Variants in ATG13 observed in about 807,000 individuals in gnomAD.
The protein encoded by ATG13 is autophagy-related protein 13.
Under a neutral mutation model 65.5 loss-of-function variants are expected in ATG13, and 23 were observed. The ratio of observed to expected loss-of-function variants is 0.35; its 90% CI spans 0.25 to 0.50. ATG13 has a LOEUF of 0.50. Among genes scored for constraint, ATG13 ranks in the 20% least tolerant of loss-of-function variants. The pLI, the probability that ATG13 is intolerant of heterozygous loss-of-function variation, is 0.98. For missense variants in ATG13, 566 were observed against 677.0 expected, an observed-to-expected ratio of 0.84 and a Z score of 1.82; for synonymous variants, 252 against 245.2, an observed-to-expected ratio of 1.03 and a Z score of -0.26.
chr11:46,624,586 A>G (rs903797654), intron 1 of ATG13, among the ~76,000 whole-genome samples: 11 of 152,036 alleles, frequency 7.2e-5, no homozygotes, highest in Non-Finnish European at 1.2e-4. Context: ...AGCTTGTCCA[A>G]TCACTTCCTC....
intron 1 of ATG13, among the ~76,000 whole-genome samples, chr11:46,628,038 G>A (rs572513369): frequency 2.7e-4 from 41 of 150,496 alleles, no homozygotes; most frequent in Non-Finnish European, 5.6e-4. Context: ...AGCTGTGATC[G>A]GGCCACTGCA....
At chr11:46,654,975 T>A (rs2059728280) in intron 7 of ATG13, among the ~76,000 whole-genome samples, 1 of 152,050 alleles carries the variant, frequency 6.6e-6, no homozygotes, top group Non-Finnish European at 1.5e-5. Context: ...AGCGCATACC[T>A]GTAGTGCCAG....
At chr11:46,666,036 G>C (rs1329550223) in intron 14 of ATG13, among the ~76,000 whole-genome samples, 1 of 151,960 alleles carries the variant, frequency 6.6e-6, no homozygotes, top group African/African-American at 2.4e-5. Flanking sequence ...CGAACTCCTG[G>C]CTTCCAGTGA....
intron 1 of ATG13, among the ~76,000 whole-genome samples, chr11:46,629,169 C>T (rs983865238): frequency 7.2e-5 from 11 of 152,016 alleles, no homozygotes; most frequent in Admixed American, 7.2e-4. Context: ...TCTTGAATTC[C>T]TGACCTCAGA....
intron 17 of ATG13, among the ~76,000 whole-genome samples, 154 bp downstream of exon 17, chr11:46,669,064 T>C (rs2063094246): frequency 6.6e-6 from 1 of 152,160 alleles, no homozygotes; most frequent in Non-Finnish European, 1.5e-5. Flanking sequence ...GGGAGACATT[T>C]TGGAGGCCGA....
At chr11:46,638,579 C>T (rs950658364) in intron 2 of ATG13, 5 of 152,326 alleles carry the variant, frequency 3.3e-5, no homozygotes, top group African/African-American at 1.2e-4. Flanking sequence ...AATTTCTCAC[C>T]ATCAACCTAC....
In ATG13 at chr11:46,626,329, C is replaced by T. The variant is rs533588862; in HGVS notation, c.-69-3716C>T. Among the ~76,000 whole-genome samples the T allele has an allele frequency of 2.7e-3, 414 of 152,238 alleles. 3 individuals are homozygous for T. The highest frequency in any genetic ancestry group is 9.2e-3 in the African/African-American group (383 of 41,546). On this transcript the variant is annotated intron_variant, in intron 1 of 18. Coordinates refer to ENST00000683050, the MANE Select transcript of ATG13 (RefSeq NM_001346311.2). ...GCAGTGGCACAACCTCAGCTCACTG[C>T]AGCCTCTACCTCCTGGGTTCAGATG...
intron 2 of ATG13, among the ~76,000 whole-genome samples, chr11:46,639,057 G>A (rs914906112): frequency 3.3e-5 from 5 of 151,964 alleles, no homozygotes; most frequent in African/African-American, 9.7e-5. Context: ...GTGCAATCTC[G>A]GCTCACTGCA....
At chr11:46,641,257 A>G (rs554476552) in intron 2 of ATG13, among the ~76,000 whole-genome samples, 2 of 152,276 alleles carry the variant, frequency 1.3e-5, no homozygotes, top group South Asian at 4.1e-4. Flanking sequence ...TTTTTAGTAG[A>G]GACGGGGTTT....
At chr11:46,654,484 A>T (rs1171111922) in intron 7 of ATG13, among the ~76,000 whole-genome samples, 1 of 140,862 alleles carries the variant, frequency 7.1e-6, no homozygotes, top group African/African-American at 2.7e-5. Context: ...ACTTTGGGAG[A>T]ATGAGGTGGG....
intron 7 of ATG13, among the ~76,000 whole-genome samples, chr11:46,651,438 G>C (rs1325310871): frequency 6.6e-6 from 1 of 152,190 alleles, no homozygotes; most frequent in East Asian, 1.9e-4. Flanking sequence ...TGGAGGGCAG[G>C]GTCAGAGCTC....
At chr11:46,658,736 A>G (rs1465675970) in intron 10 of ATG13, among the ~76,000 whole-genome samples, 1 of 152,004 alleles carries the variant, frequency 6.6e-6, no homozygotes, top group Non-Finnish European at 1.5e-5. Flanking sequence ...GGGTTTCTCC[A>G]TGTTGGTCAG....
chr11:46,660,193 G>A (rs1047342973), intron 11 of ATG13, among the ~76,000 whole-genome samples: 1 of 152,054 alleles, frequency 6.6e-6, no homozygotes, highest in African/African-American at 2.4e-5. Context: ...CAGCTTCCTT[G>A]CCTCCAGATT....
chr11:46,629,391 T>G (rs2050885200), intron 1 of ATG13, among the ~76,000 whole-genome samples: 3 of 152,030 alleles, frequency 2.0e-5, no homozygotes, highest in Admixed American at 2.0e-4. Flanking sequence ...AAGGAGGTTT[T>G]TGTTTTTGTT....
At chr11:46,668,094 C>T (rs1405285833) in intron 15 of ATG13, among the ~76,000 whole-genome samples, 1 of 152,184 alleles carries the variant, frequency 6.6e-6, no homozygotes, top group Admixed American at 6.5e-5. Context: ...GTCCTGTGAC[C>T]TTTTAAAGCC....
At chr11:46,651,184 C>T (rs1391710879) in intron 7 of ATG13, among the ~76,000 whole-genome samples, 1 of 152,012 alleles carries the variant, frequency 6.6e-6, no homozygotes, top group African/African-American at 2.4e-5. Context: ...GTGAGGAAAA[C>T]AATTTGATAC....
At chr11:46,656,894 A>G in intron 8 of ATG13, 2 of 564,536 alleles carry the variant, frequency 3.5e-6, no homozygotes, top group Non-Finnish European at 6.3e-6. Flanking sequence ...ATTGAGAGGG[A>G]AGAAACCTAT....
chr11:46,631,204 TAATG>T (rs935777437), intron 2 of ATG13, among the ~76,000 whole-genome samples: 2 of 152,324 alleles, frequency 1.3e-5, no homozygotes, highest in African/African-American at 4.8e-5. Flanking sequence ...AAGTGTAAAT[TAATG>T]AATGACAGGG....
intron 2 of ATG13, among the ~76,000 whole-genome samples, chr11:46,637,418 C>T (rs940520971): frequency 1.3e-5 from 2 of 152,126 alleles, no homozygotes; most frequent in African/African-American, 4.8e-5. Flanking sequence ...ATTAATCTTT[C>T]GTTTGATGGT....
Sources: gnomAD v4.1 joint callset for allele counts (sites outside exome capture counted in the v4.1 genomes callset) on GRCh38, gnomAD v4.1.1 for gene constraint, MANE v1.5 for transcripts, NCBI Gene and HGNC (gene_info 2026-07-23, HGNC 2026-07-21) for gene names.